Variants in DCLRE1C observed in about 807,000 individuals in gnomAD.
DCLRE1C encodes DNA cross-link repair 1C, also known as protein artemis.
DCLRE1C carries 47 observed loss-of-function variants against 61.4 expected under a neutral mutation model. The observed-to-expected ratio is 0.77, with a 90% CI of 0.61 to 0.98. DCLRE1C has a LOEUF of 0.98. DCLRE1C is among the 50% of genes least tolerant of loss of function. The pLI is 0.00. For missense variants in DCLRE1C, 858 were observed against 816.0 expected, an observed-to-expected ratio of 1.05 and a Z score of -0.63; for synonymous variants, 337 against 287.6, an observed-to-expected ratio of 1.17 and a Z score of -1.74.
downstream of DCLRE1C, among the ~76,000 whole-genome samples, chr10:14,900,263 A>G (rs1318264193): frequency 1.3e-5 from 2 of 152,204 alleles, no homozygotes; most frequent in African/African-American, 4.8e-5. Flanking sequence ...ATAATTTCCA[A>G]AAATTAGGGA....
intron 5 of DCLRE1C, 30 bp downstream of exon 5, chr10:14,936,508 A>G: frequency 6.3e-7 from 1 of 1,586,276 alleles, no homozygotes; most frequent in Non-Finnish European, 8.7e-7. Flanking sequence ...TCTACATATA[A>G]TAAAATGACA....
rs41304308 is a variant in DCLRE1C at position 14,951,338 on chromosome 10, C to T, written c.110-2251G>A. On this transcript the variant is annotated intron_variant, in intron 1 of 13. Transcript: ENST00000378278. Reference sequence around the variant, plus strand: ...CCAGGAGGTGAAGGCTGCAGTGAGCCGAGATCGCACCACTGCACTCCAGCC... The same window carrying T: ...CCAGGAGGTGAAGGCTGCAGTGAGCTGAGATCGCACCACTGCACTCCAGCC... 6.3e-3 allele frequency among the ~76,000 whole-genome samples: 848 copies of T among 134,936 alleles called. 13 individuals are homozygous for T. Among genetic ancestry groups the T allele is most frequent in the African/African-American group, 0.022 (801 of 35,900 alleles). 88.5% of individuals were successfully genotyped at this position (134,936 alleles called of 152,430 possible). A position where few individuals can be genotyped will look rare whatever the true frequency, so the allele number is the denominator to read the frequency against.
chr10:14,918,962 A>G (rs1393087131), intron 13 of DCLRE1C, among the ~76,000 whole-genome samples: 3 of 152,208 alleles, frequency 2.0e-5, no homozygotes, highest in African/African-American at 4.8e-5. Context: ...CCTCATCATT[A>G]TAATTGGGAT....
chr10:14,898,214 T>TC (rs1297210374), exon 14 of DCLRE1C: 3 of 140,534 alleles, frequency 2.1e-5, no homozygotes, highest in Non-Finnish European at 3.1e-5. Context: ...TTTTTTTTTT[T>TC]TTTTTTTTTT....
downstream of DCLRE1C, chr10:14,902,600 C>G (rs1834100246): frequency 1.3e-6 from 1 of 784,450 alleles, no homozygotes; most frequent in Non-Finnish European, 1.9e-6. Context: ...CTCTTATTAT[C>G]AAGGTTCTAC....
exon 14 of DCLRE1C, chr10:14,899,213 A>G (rs764568568): frequency 4.3e-6 from 3 of 702,156 alleles, no homozygotes; most frequent in South Asian, 3.0e-5. Flanking sequence ...CCAGCTAGTC[A>G]GGAGGCTGAG....
At chr10:14,948,268 C>T (rs746459871) in intron 2 of DCLRE1C, among the ~76,000 whole-genome samples, 62 of 151,884 alleles carry the variant, frequency 4.1e-4, no homozygotes, top group Non-Finnish European at 1.3e-4. Flanking sequence ...AGTAAGTATT[C>T]AATAAACGTT....
At chr10:14,954,276 C>A (rs1052144568), upstream of DCLRE1C, 2 of 567,718 alleles carry the variant, frequency 3.5e-6, no homozygotes, top group Non-Finnish European at 6.3e-6. Context: ...AAGGCTCATT[C>A]CCGCCCAACA....
Position 14,935,624 on chromosome 10 carries a change from A to G in DCLRE1C, c.363-60T>C, listed in dbSNP as rs959589114. On this transcript the variant is annotated intron_variant, in intron 5 of 13. Coordinates refer to ENST00000378278, the MANE Select transcript of DCLRE1C (RefSeq NM_001033855.3). Reference sequence around the variant, plus strand: ...CTCATATAAACTCCCAATAAAGCAAATACATGTGAGCTGCATACTAAATGC... The same window carrying G: ...CTCATATAAACTCCCAATAAAGCAAGTACATGTGAGCTGCATACTAAATGC... 108 of 1,476,374 alleles carry G rather than the reference A, an allele frequency of 7.3e-5. No individual in the cohort carries two copies. The Admixed American group carries it at 1.7e-3, about 23-fold the overall frequency. 91.5% of individuals were successfully genotyped at this position (1,476,374 alleles called of 1,614,324 possible).
chr10:14,899,501 A>G, intron 13 of DCLRE1C: 12 of 1,605,262 alleles, frequency 7.5e-6, no homozygotes, highest in Non-Finnish European at 1.0e-5. Flanking sequence ...TCTTTGGTTC[A>G]GTAGCTACGT....
rs80148779 is a variant in DCLRE1C at position 14,909,147 on chromosome 10, G to A, written c.1340C>T (p.Thr447Ile). The A allele has an allele frequency of 3.7e-6, 6 of 1,614,168 alleles. No individual in the cohort carries two copies. The highest frequency in any genetic ancestry group is 5.1e-6 in the Non-Finnish European group (6 of 1,180,032). Residue 447 changes from threonine (T) to isoleucine (I), a missense_variant, in exon 14 of 14, where the codon ACA (threonine) becomes ATA (isoleucine). Thr to Ile is a moderately conservative substitution (Grantham distance 89). This residue lies in a region of DCLRE1C where 843 missense variants were observed against 783.5 expected (regional missense o/e 1.08). Coordinates refer to ENST00000378278, the MANE Select transcript of DCLRE1C (RefSeq NM_001033855.3). ...RAECMQSSRFTNFVDCEESNS... is the reference protein window; with the variant it reads ...RAECMQSSRFINFVDCEESNS... The stretch of plus-strand genomic sequence containing the variant: ...GGATTCTTCACAATCTACAAAGTTT[G>A]TGAAACGAGAGCTCTGCATACACTC...
downstream of DCLRE1C, chr10:14,902,612 T>C (rs1171619530): frequency 4.2e-6 from 3 of 718,412 alleles, no homozygotes; most frequent in African/African-American, 5.4e-5. Flanking sequence ...AGGTTCTACC[T>C]ATGTTAATTT....
At chr10:14,915,455 G>A (rs377079311) in intron 13 of DCLRE1C, among the ~76,000 whole-genome samples, 6 of 151,652 alleles carry the variant, frequency 4.0e-5, no homozygotes, top group African/African-American at 1.5e-4. Flanking sequence ...AGGAGCAAGA[G>A]GATTAATATC....
intron 11 of DCLRE1C, chr10:14,923,815 T>C (rs934239072): frequency 6.6e-6 from 1 of 152,502 alleles, no homozygotes. Context: ...CCATTGTACC[T>C]TGGTGTTGGA....
intron 9 of DCLRE1C, among the ~76,000 whole-genome samples, chr10:14,931,317 T>C (rs1246119366): frequency 6.6e-6 from 1 of 152,044 alleles, no homozygotes; most frequent in Non-Finnish European, 1.5e-5. Context: ...TCCCAGCACT[T>C]TGGGAGGCCA....
At chr10:14,944,997 T>C (rs1462601751) in intron 3 of DCLRE1C, 108 bp downstream of exon 3, 6 of 773,090 alleles carry the variant, frequency 7.8e-6, no homozygotes, top group Admixed American at 4.6e-5. Context: ...TTCTAATTAA[T>C]GTGGATAACT....
In DCLRE1C at chr10:14,908,717, G is replaced by A; in HGVS notation, c.1770C>T (p.Leu590=). Residue 590 remains leucine (L), a synonymous_variant, in exon 14 of 14, where the codon CTC becomes CTT. Transcript: ENST00000378278. ...PTIKENIPAS[L]MEQNVICPKD... ...TTGGGCAAATTACATTTTGTTCCATGAGAGAGGCAGGAATATTCTCTTTGA... is the reference window on the plus strand; with the variant it reads ...TTGGGCAAATTACATTTTGTTCCATAAGAGAGGCAGGAATATTCTCTTTGA... 1 of 1,614,190 alleles carries A rather than the reference G, an allele frequency of 6.2e-7. No homozygotes were observed. The highest frequency in any genetic ancestry group is 1.6e-4 in the Middle Eastern group (1 of 6,062).
At chr10:14,921,319 CAAAAAAAG>C (rs1163122143) in intron 12 of DCLRE1C, among the ~76,000 whole-genome samples, 20 of 149,212 alleles carry the variant, frequency 1.3e-4, no homozygotes, top group Admixed American at 1.3e-3. Context: ...GACTCCATCT[CAAAAAAAG>C]AAAAAAAAAA....
chr10:14,950,659 T>C (rs1386837574), intron 1 of DCLRE1C, among the ~76,000 whole-genome samples: 1 of 152,186 alleles, frequency 6.6e-6, no homozygotes, highest in Non-Finnish European at 1.5e-5. Context: ...TAATTGGAGT[T>C]TCCAAAGAGT....
Sources: gnomAD v4.1 joint callset for allele counts (sites outside exome capture counted in the v4.1 genomes callset) on GRCh38, gnomAD v4.1.1 for gene constraint, gnomAD v4.1.1 regional missense constraint, MANE v1.5 for transcripts, NCBI Gene and HGNC (gene_info 2026-07-23, HGNC 2026-07-21) for gene names.